The following SOHLH2 variants were observed in gnomAD, a reference collection of about 807,000 sequenced individuals.
SOHLH2 encodes spermatogenesis- and oogenesis-specific basic helix-loop-helix-containing protein 2.
SOHLH2 carries 22 observed loss-of-function variants against 50.4 expected under a neutral mutation model. That is an observed-to-expected ratio of 0.44 (90% CI 0.31 to 0.62). The LOEUF is 0.62. Among genes scored for constraint, SOHLH2 ranks in the 20% least tolerant of loss-of-function variants. SOHLH2 has a pLI of 0.08. For synonymous variants in SOHLH2, 185 were observed against 187.3 expected (o/e 0.99, Z 0.10); for missense variants, 412 against 504.4 (o/e 0.82, Z 1.76).
At chr13:36,209,141 C>T (rs1037243151) in intron 1 of SOHLH2, among the ~76,000 whole-genome samples, 1 of 152,104 alleles carries the variant, frequency 6.6e-6, no homozygotes, top group Non-Finnish European at 1.5e-5. Flanking sequence ...CTTGACTTCT[C>T]TCTCAGAGAT....
At chr13:36,197,363 G>A (rs901361400) in intron 2 of SOHLH2, among the ~76,000 whole-genome samples, 1 of 152,120 alleles carries the variant, frequency 6.6e-6, no homozygotes. Flanking sequence ...CCCACCCACT[G>A]TCTTGCCCCC....
chr13:36,201,211 C>T (rs1868400627), intron 2 of SOHLH2, among the ~76,000 whole-genome samples: 1 of 152,036 alleles, frequency 6.6e-6, no homozygotes, highest in South Asian at 2.1e-4. Context: ...GGACAGAGAG[C>T]TAAGAGTGCT....
intron 1 of SOHLH2, among the ~76,000 whole-genome samples, chr13:36,204,015 A>T (rs191955407): frequency 7.5e-6 from 1 of 132,848 alleles, no homozygotes; most frequent in East Asian, 2.2e-4. Flanking sequence ...CAGTGGCGTG[A>T]TCTCGGCTCA....
intron 6 of SOHLH2, among the ~76,000 whole-genome samples, chr13:36,179,147 A>G (rs1198796894): frequency 6.6e-6 from 1 of 152,182 alleles, no homozygotes; most frequent in African/African-American, 2.4e-5. Context: ...TTGATAATGA[A>G]CAGAAATGGT....
rs779790388 is a variant in SOHLH2 at position 36,191,826 on chromosome 13, G to C, written c.499C>G (p.Leu167Val). The change falls in exon 5 of 11, where the codon CTG becomes GTG. Residue 167 changes from leucine to valine, a missense_variant. By Grantham distance (32) the Leu-to-Val change is conservative. Coordinates refer to ENST00000379881, the MANE Select transcript of SOHLH2 (RefSeq NM_017826.3). ...LPLQRSYSEH[L>V]GYFPTDLFAC... ...AATAGATCAGTAGGAAAATATCCCA[G>C]GTGTTCGCTGTAGGACCTCTGCAGG... is the stretch of plus-strand genomic sequence containing the variant. The C allele has an allele frequency of 6.2e-7, 1 of 1,613,944 alleles. No individual in the cohort carries two copies. The highest frequency in any genetic ancestry group is 1.3e-5 in the African/African-American group (1 of 75,018).
At chr13:36,178,816 ATTTG>A (rs1404750703) in intron 6 of SOHLH2, among the ~76,000 whole-genome samples, 3 of 141,568 alleles carry the variant, frequency 2.1e-5, no homozygotes, top group Admixed American at 1.4e-4. Context: ...TGTACAGATC[ATTTG>A]TTTTTTTTTT....
Position 36,214,475 on chromosome 13 carries a change from T to C in SOHLH2, c.48+4A>G, listed in dbSNP as rs373372704. The C allele has an allele frequency of 5.0e-6, 8 of 1,612,624 alleles. No homozygotes were observed. Among genetic ancestry groups the C allele is most frequent in the African/African-American group, 1.3e-5 (1 of 74,970 alleles). On this transcript the variant is annotated splice_donor_region_variant and intron_variant, in intron 1 of 10. Transcript: ENST00000379881. ...CAGCTGCCTCCCCTTCCACAGCCTC[T>C]TACCTGGCCCGAGATCTGGCAGTGC...
intron 1 of SOHLH2, among the ~76,000 whole-genome samples, chr13:36,208,760 G>A (rs150276315): frequency 2.6e-5 from 4 of 152,138 alleles, no homozygotes; most frequent in African/African-American, 4.8e-5. Flanking sequence ...TTTAAAGACC[G>A]TCTGATAGCA....
At chr13:36,214,060 GT>G (rs928233124) in intron 1 of SOHLH2, among the ~76,000 whole-genome samples, 4 of 145,140 alleles carry the variant, frequency 2.8e-5, no homozygotes, top group African/African-American at 7.6e-5. Flanking sequence ...TTTTTTTTTA[GT>G]TGGAGAATTC....
In SOHLH2 at chr13:36,174,563, G is replaced by A. The variant is rs1368585942; in HGVS notation, c.794C>T (p.Thr265Ile). The A allele has an allele frequency of 1.2e-6, 2 of 1,613,998 alleles. No individual in the cohort carries two copies. Among genetic ancestry groups the A allele is most frequent in the East Asian group, 2.2e-5 (1 of 44,880 alleles). The change falls in exon 8 of 11, where the codon ACA becomes ATA. Residue 265 changes from threonine (T) to isoleucine (I), a missense_variant. Coordinates refer to ENST00000379881, the MANE Select transcript of SOHLH2 (RefSeq NM_017826.3). ...KISPAVMAQITEALQSNMRFC... is the reference protein window; with the variant it reads ...KISPAVMAQIIEALQSNMRFC... ...CCTCATGTTGCTCTGAAGTGCTTCT[G>A]TAATCTAAAAAACACAGAAATATAT...
In SOHLH2 at chr13:36,173,792, G is replaced by A. The variant is rs1593934469; in HGVS notation, c.900C>T (p.Ser300=). 6.2e-7 allele frequency: 1 copy of A among 1,613,952 alleles called. No homozygotes were observed. Among genetic ancestry groups the A allele is most frequent in the Non-Finnish European group, 8.5e-7 (1 of 1,179,958 alleles). ...VMAQRENSVM[S]TYSPERGLQF... ...GGAGCCCTCTCTCAGGGGAGTAAGTGCTCATCACACTGTTTTCCCTTGAAA... is the reference window on the plus strand; with the variant it reads ...GGAGCCCTCTCTCAGGGGAGTAAGTACTCATCACACTGTTTTCCCTTGAAA... The change falls in exon 9 of 11, where the codon AGC becomes AGT. Residue 300 remains serine, a synonymous_variant. Coordinates refer to ENST00000379881, the MANE Select transcript of SOHLH2 (RefSeq NM_017826.3).
intron 1 of SOHLH2, among the ~76,000 whole-genome samples, chr13:36,204,787 C>T (rs1868655339): frequency 6.6e-6 from 1 of 152,154 alleles, no homozygotes; most frequent in South Asian, 2.1e-4. Context: ...CAACAGAAAT[C>T]GGCATCAGTT....
In SOHLH2 at chr13:36,174,501, G is replaced by A. The variant is rs1265089671; in HGVS notation, c.856C>T (p.Leu286Phe). The change falls in exon 8 of 11, where the codon CTC becomes TTC. Residue 286 changes from leucine (L) to phenylalanine (F), a missense_variant. Transcript: ENST00000379881. ...KKQQTPIELS[L>F]PGTVMAQREN... The stretch of plus-strand genomic sequence containing the variant: ...CGCTGTGCCATGACAGTGCCTGGGA[G>A]AGACAGCTCAATGGGTGTTTGTTGT... 1 of 1,614,194 alleles carries A rather than the reference G, an allele frequency of 6.2e-7. No homozygotes were observed. Among genetic ancestry groups the A allele is most frequent in the Admixed American group, 1.7e-5 (1 of 60,018 alleles).
At chr13:36,203,074 CT>C (rs538136218) in intron 1 of SOHLH2, among the ~76,000 whole-genome samples, 2 of 151,942 alleles carry the variant, frequency 1.3e-5, no homozygotes, top group Non-Finnish European at 1.5e-5. Context: ...AATTTTCTTC[CT>C]TTTTTTTATA....
intron 6 of SOHLH2, among the ~76,000 whole-genome samples, chr13:36,175,824 G>A (rs1395819915): frequency 1.3e-5 from 2 of 152,032 alleles, no homozygotes; most frequent in Non-Finnish European, 2.9e-5. Flanking sequence ...GGGGTGTCTC[G>A]GGAACTATTC....
intron 9 of SOHLH2, among the ~76,000 whole-genome samples, chr13:36,171,739 A>G (rs1184083489): frequency 6.6e-6 from 1 of 152,186 alleles, no homozygotes; most frequent in Non-Finnish European, 1.5e-5. Flanking sequence ...TCTCTCCCCA[A>G]ACTGCAAATG....
chr13:36,185,114 T>C (rs1887378837), intron 6 of SOHLH2, among the ~76,000 whole-genome samples: 1 of 152,230 alleles, frequency 6.6e-6, no homozygotes, highest in African/African-American at 2.4e-5. Context: ...TTCTTTGTTA[T>C]GGCTACATAG....
chr13:36,175,378 C>T (rs745489830), intron 6 of SOHLH2, among the ~76,000 whole-genome samples: 3 of 152,248 alleles, frequency 2.0e-5, no homozygotes, highest in South Asian at 2.1e-4. Flanking sequence ...TCTTGTACCA[C>T]ATGACTTCAT....
chr13:36,203,630 G>A (rs967264532), intron 1 of SOHLH2, among the ~76,000 whole-genome samples: 6 of 151,976 alleles, frequency 3.9e-5, no homozygotes, highest in Non-Finnish European at 7.4e-5. Context: ...TTATATCCCC[G>A]TAAGCAGTAT....
Sources: gnomAD v4.1 joint callset for allele counts (sites outside exome capture counted in the v4.1 genomes callset) on GRCh38, gnomAD v4.1.1 for gene constraint, MANE v1.5 for transcripts, NCBI Gene and HGNC (gene_info 2026-07-23, HGNC 2026-07-21) for gene names.